Variants in CYSTM1 observed in about 807,000 individuals in gnomAD.
CYSTM1 encodes cysteine-rich transmembrane module-containing protein 1.
A neutral mutation model predicts 13.1 loss-of-function variants in CYSTM1; 4 were observed. The observed-to-expected ratio is 0.31, with a 90% CI of 0.15 to 0.70. CYSTM1 has a LOEUF of 0.70. Ranked by LOEUF, CYSTM1 falls within the 30% of genes least tolerant of loss-of-function variation. The probability of loss-of-function intolerance (pLI) is 0.72; values close to 1 mark genes in which losing one functional copy is unlikely to be tolerated. For missense variants in CYSTM1, 96 were observed against 121.6 expected (o/e 0.79, Z 0.99); for synonymous variants, 36 against 42.7 (o/e 0.84, Z 0.62).
Position 140,189,327 on chromosome 5 carries a change from T to G in CYSTM1, c.-20-5119T>G, listed in dbSNP as rs964951776. Among the ~76,000 whole-genome samples the G allele has an allele frequency of 8.6e-5, 13 of 151,536 alleles. No individual in the cohort carries two copies. The South Asian group carries it at 2.7e-3, about 32-fold the overall frequency. On this transcript the variant is annotated intron_variant, in intron 1 of 2. Transcript: ENST00000261811. ...AAGAGTCTGAGATCTCCCCCCACTC[T>G]CTTGCCCCCTCTCTCATCATGTGAT...
Position 140,239,996 on chromosome 5 carries a change from GC to G in CYSTM1, c.188-3306del, listed in dbSNP as rs1764728379. On this transcript the variant is annotated intron_variant, in intron 2 of 2. Coordinates refer to ENST00000261811, the MANE Select transcript of CYSTM1 (RefSeq NM_032412.4). The surrounding 1 kb of genome is among the most constrained non-coding windows in gnomAD (Gnocchi z 5.4). ...GAAGGAAACCAGTCCTTAAGACCCTGCCCGCGTCAGGAGCTGGAACCCAGCT... is the reference window on the plus strand; with the variant it reads ...GAAGGAAACCAGTCCTTAAGACCCTGCCGCGTCAGGAGCTGGAACCCAGCT... 6.6e-6 allele frequency among the ~76,000 whole-genome samples: 1 copy of G among 152,080 alleles called. No individual in the cohort carries two copies. Among genetic ancestry groups the G allele is most frequent in the South Asian group, 2.1e-4 (1 of 4,826 alleles).
chr5:140,242,239 G>A (rs1362233634), intron 2 of CYSTM1, among the ~76,000 whole-genome samples: 1 of 152,172 alleles, frequency 6.6e-6, no homozygotes, highest in Non-Finnish European at 1.5e-5. Flanking sequence ...GAACATGTCC[G>A]TGCAGTAGAG....
intron 2 of CYSTM1, among the ~76,000 whole-genome samples, chr5:140,223,015 C>T (rs766758314): frequency 6.6e-6 from 1 of 152,222 alleles, no homozygotes; most frequent in Non-Finnish European, 1.5e-5. Flanking sequence ...CATCTAGATA[C>T]TCACCTTGAG....
intron 1 of CYSTM1, among the ~76,000 whole-genome samples, chr5:140,177,804 G>T (rs1434556448): frequency 2.6e-5 from 4 of 152,138 alleles, no homozygotes; most frequent in Non-Finnish European, 5.9e-5. Flanking sequence ...AGATGTCTTG[G>T]CCTCATTAAA....
chr5:140,178,667 C>G (rs564760507), intron 1 of CYSTM1, among the ~76,000 whole-genome samples: 1 of 151,624 alleles, frequency 6.6e-6, no homozygotes, highest in Non-Finnish European at 1.5e-5. Context: ...GTGGTGTAAT[C>G]GCAGCTCACT....
intron 2 of CYSTM1, among the ~76,000 whole-genome samples, chr5:140,205,329 A>G (rs1453431579): frequency 6.6e-6 from 1 of 152,186 alleles, no homozygotes; most frequent in East Asian, 1.9e-4. Flanking sequence ...CAGTGTGAGG[A>G]AAGAAGAGGA....
At chr5:140,193,579 T>A (rs1764117482) in intron 1 of CYSTM1, among the ~76,000 whole-genome samples, 1 of 152,152 alleles carries the variant, frequency 6.6e-6, no homozygotes, top group Admixed American at 6.5e-5. Flanking sequence ...ACCTGGCCAT[T>A]TGTTTGTTTT....
intron 2 of CYSTM1, among the ~76,000 whole-genome samples, chr5:140,235,440 C>G (rs1280011965): frequency 2.0e-5 from 3 of 147,384 alleles, no homozygotes; most frequent in Non-Finnish European, 3.0e-5. Flanking sequence ...GAGTCTCGCT[C>G]TGTCGCCCAG....
Position 140,203,343 on chromosome 5 carries a change from G to A in CYSTM1, c.187+8691G>A, listed in dbSNP as rs539459823. On this transcript the variant is annotated intron_variant, in intron 2 of 2. Transcript: ENST00000261811. ...ATAGCCACAATACAATGATCCATCA[G>A]GCTTTTTCACCCCCTTGGCTCAGAA... 6.6e-5 allele frequency among the ~76,000 whole-genome samples: 10 copies of A among 152,262 alleles called. No individual in the cohort carries two copies. In the East Asian group the frequency reaches 1.9e-3, roughly 29 times the overall value.
At chr5:140,176,533 G>T (rs1763887196) in intron 1 of CYSTM1, among the ~76,000 whole-genome samples, 1 of 152,120 alleles carries the variant, frequency 6.6e-6, no homozygotes, top group Non-Finnish European at 1.5e-5. Context: ...TTAATGACTG[G>T]TTGGGAGCTA....
At chr5:140,179,392 C>T (rs969740851) in intron 1 of CYSTM1, among the ~76,000 whole-genome samples, 1 of 151,902 alleles carries the variant, frequency 6.6e-6, no homozygotes, top group Non-Finnish European at 1.5e-5. Context: ...AACCCTGTCT[C>T]TACTAAAATT....
chr5:140,226,516 A>C (rs1397208241), intron 2 of CYSTM1, among the ~76,000 whole-genome samples: 1 of 123,362 alleles, frequency 8.1e-6, no homozygotes. Context: ...ATATATATTA[A>C]TAATATATAA....
intron 1 of CYSTM1, among the ~76,000 whole-genome samples, chr5:140,184,407 C>T (rs1200952575): frequency 2.0e-5 from 3 of 150,382 alleles, no homozygotes; most frequent in Non-Finnish European, 3.0e-5. Context: ...TTTGGCATAC[C>T]GGCTGGCACT....
chr5:140,208,966 G>A (rs1379803214), intron 2 of CYSTM1, among the ~76,000 whole-genome samples: 1 of 151,290 alleles, frequency 6.6e-6, no homozygotes, highest in Non-Finnish European at 1.5e-5. Flanking sequence ...GTGAACCCAG[G>A]AGGCAGAGGT....
intron 1 of CYSTM1, among the ~76,000 whole-genome samples, chr5:140,180,440 G>A (rs1763949907): frequency 6.6e-6 from 1 of 152,188 alleles, no homozygotes; most frequent in South Asian, 2.1e-4. Context: ...AGCTCCTCAC[G>A]CTTGGCCAAG....
chr5:140,242,767 A>C (rs902650965), intron 2 of CYSTM1, among the ~76,000 whole-genome samples: 1 of 152,214 alleles, frequency 6.6e-6, no homozygotes, highest in Non-Finnish European at 1.5e-5. Flanking sequence ...CCAGGTTTTC[A>C]TCCCTGCCTT....
intron 2 of CYSTM1, among the ~76,000 whole-genome samples, chr5:140,226,503 TAA>T (rs377669095): frequency 0.12 from 12,508 of 102,876 alleles, 798 homozygotes; most frequent in South Asian, 0.19. Context: ...ATAATATATA[TAA>T]ATATATATTA....
At chr5:140,217,026 A>C (rs2126665940) in intron 2 of CYSTM1, among the ~76,000 whole-genome samples, 1 of 152,304 alleles carries the variant, frequency 6.6e-6, no homozygotes, top group Non-Finnish European at 1.5e-5. Context: ...CAGCTTAGAA[A>C]AGATTTTGAT....
At chr5:140,181,335 T>C (rs933571108) in intron 1 of CYSTM1, among the ~76,000 whole-genome samples, 1 of 152,154 alleles carries the variant, frequency 6.6e-6, no homozygotes, top group African/African-American at 2.4e-5. Flanking sequence ...CTAACAGCCT[T>C]TCCTCCCCAA....
Sources: allele counts gnomAD v4.1 joint callset (sites outside exome capture counted in the v4.1 genomes callset), GRCh38; gene constraint gnomAD v4.1.1; non-coding constraint Gnocchi (gnomAD v3.1); transcripts MANE v1.5; gene names NCBI Gene and HGNC (gene_info 2026-07-23, HGNC 2026-07-21).